The following KLF5 variants were observed in gnomAD, a reference collection of about 807,000 sequenced individuals.
KLF5 encodes KLF transcription factor 5, also known as Krueppel-like factor 5.
In KLF5, 9 loss-of-function variants were observed where a neutral mutation model predicts 36.9. That is an observed-to-expected ratio of 0.24 (90% CI 0.15 to 0.43). The LOEUF (loss-of-function observed/expected upper bound fraction) is 0.43. Among genes scored for constraint, KLF5 ranks in the 20% least tolerant of loss-of-function variants. The probability of loss-of-function intolerance (pLI) is 1.00; values close to 1 mark genes in which losing one functional copy is unlikely to be tolerated. For missense variants in KLF5, 524 were observed against 599.5 expected, an observed-to-expected ratio of 0.87 and a Z score of 1.31; for synonymous variants, 246 against 241.7, an observed-to-expected ratio of 1.02 and a Z score of -0.17.
At chr13:73,059,665 AG>A in intron 1 of KLF5, 77 bp downstream of exon 1, 1 of 1,038,568 alleles carries the variant, frequency 9.6e-7, no homozygotes, top group Non-Finnish European at 1.2e-6. Context: ...CGCGGGCGAC[AG>A]GGGCCGCTCC....
chr13:73,060,288 C>T (rs1242599563), intron 1 of KLF5, among the ~76,000 whole-genome samples: 1 of 152,182 alleles, frequency 6.6e-6, no homozygotes, highest in East Asian at 1.9e-4. Context: ...AGAGCAACCG[C>T]CTGTTTCTTT....
intron 3 of KLF5, 92 bp from the exon 4 acceptor site, chr13:73,075,616 A>G: frequency 9.1e-7 from 1 of 1,103,558 alleles, no homozygotes. Context: ...CTTGGCCAAG[A>G]TTTTTTTTTT....
chr13:73,069,847 G>A (rs956294287), intron 3 of KLF5, among the ~76,000 whole-genome samples: 2 of 152,288 alleles, frequency 1.3e-5, no homozygotes, highest in East Asian at 3.9e-4. Flanking sequence ...TTGCCCTTTT[G>A]TTCATAGACT....
Position 73,063,840 on chromosome 13 carries a change from T to C in KLF5, c.1152T>C (p.Tyr384=). 6.2e-7 allele frequency: 1 copy of C among 1,608,192 alleles called. No homozygotes were observed. Among genetic ancestry groups the C allele is most frequent in the African/African-American group, 1.3e-5 (1 of 74,934 alleles). Residue 384 remains tyrosine (Y), a synonymous_variant, in exon 3 of 4, where the codon TAT becomes TAC. Coordinates refer to ENST00000377687, the MANE Select transcript of KLF5 (RefSeq NM_001730.5). ...YCDYPGCTKV[Y]TKSSHLKAHL... ...TTATTTTAGGTTGCACAAAAGTTTA[T>C]ACCAAGTCTTCTCATTTAAAAGCTC...
chr13:73,059,224 C>A lies in KLF5; in HGVS notation c.-104C>A. On this transcript the variant is annotated 5_prime_UTR_variant, in exon 1 of 4. Coordinates refer to ENST00000377687, the MANE Select transcript of KLF5 (RefSeq NM_001730.5). Reference sequence around the variant, plus strand: ...TCTGAGGAGTCCACCCGAAACCTCCCCTCCTCCGCCGGCAGCCCCGCGCTG... The same window carrying A: ...TCTGAGGAGTCCACCCGAAACCTCCACTCCTCCGCCGGCAGCCCCGCGCTG... The A allele has an allele frequency of 3.5e-6, 4 of 1,140,944 alleles. No homozygotes were observed. Among genetic ancestry groups the A allele is most frequent in the Non-Finnish European group, 4.5e-6 (4 of 896,086 alleles). 70.7% of individuals were successfully genotyped at this position (1,140,944 alleles called of 1,614,324 possible).
upstream of KLF5, among the ~76,000 whole-genome samples, chr13:73,057,134 C>A (rs900791736): frequency 6.6e-6 from 1 of 151,904 alleles, no homozygotes; most frequent in African/African-American, 2.4e-5. Flanking sequence ...ATACAGCTAC[C>A]GAATGTATTA....
At chr13:73,068,911 CA>C (rs1352528555) in intron 3 of KLF5, among the ~76,000 whole-genome samples, 1 of 151,970 alleles carries the variant, frequency 6.6e-6, no homozygotes, top group Middle Eastern at 3.2e-3. Context: ...GCCTGGCCAA[CA>C]TAGTGAAACC....
chr13:73,067,316 T>G (rs1348152166), intron 3 of KLF5, among the ~76,000 whole-genome samples: 10 of 152,236 alleles, frequency 6.6e-5, no homozygotes, highest in African/African-American at 2.4e-4. Context: ...TTTAATATAA[T>G]GAACATTTAA....
intron 1 of KLF5, among the ~76,000 whole-genome samples, chr13:73,060,329 A>T (rs1057437896): frequency 1.3e-5 from 2 of 152,142 alleles, no homozygotes; most frequent in Non-Finnish European, 2.9e-5. Flanking sequence ...TAGCCCAGAA[A>T]AAACTTCCCG....
Position 73,062,368 on chromosome 13 carries a change from T to A in KLF5, c.769T>A (p.Ser257Thr), listed in dbSNP as rs752257469. ...AATGGACACTCTTAATGTTTCTATGTCAGCTGCCATGGCAGGCCTTAACAC... is the reference window on the plus strand; with the variant it reads ...AATGGACACTCTTAATGTTTCTATGACAGCTGCCATGGCAGGCCTTAACAC... ...AAMDTLNVSMSAAMAGLNTHT... is the reference protein window; with the variant it reads ...AAMDTLNVSMTAAMAGLNTHT... The change falls in exon 2 of 4, where the codon TCA (serine) becomes ACA (threonine). Residue 257 changes from serine (S) to threonine (T), a missense_variant. Ser to Thr is a moderately conservative substitution (Grantham distance 58). Around this residue, in one of 4 missense-constraint regions of KLF5, gnomAD observed 454 missense variants for 458.1 expected, o/e 0.99. Coordinates refer to ENST00000377687, the MANE Select transcript of KLF5 (RefSeq NM_001730.5). 6.2e-7 allele frequency: 1 copy of A among 1,614,206 alleles called. No individual in the cohort carries two copies. Among genetic ancestry groups the A allele is most frequent in the Non-Finnish European group, 8.5e-7 (1 of 1,180,038 alleles).
chr13:73,075,484 CT>C (rs2044752950), intron 3 of KLF5, among the ~76,000 whole-genome samples: 1 of 152,022 alleles, frequency 6.6e-6, no homozygotes, highest in South Asian at 2.1e-4. Context: ...ACACAAAATG[CT>C]TTTTTCTTTA....
chr13:73,073,752 T>C lies in KLF5; in HGVS notation c.1196-1956T>C, dbSNP rs148855251. 1.2e-3 allele frequency among the ~76,000 whole-genome samples: 184 copies of C among 152,306 alleles called. 1 individual carries two copies. Among genetic ancestry groups the C allele is most frequent in the African/African-American group, 3.8e-3 (157 of 41,582 alleles). ...ATTTTTCACAGGGAACAAAAACTAA[T>C]AGTACTGTGCAAAAATTTTTTTTGT... On this transcript the variant is annotated intron_variant, in intron 3 of 3. Coordinates refer to ENST00000377687, the MANE Select transcript of KLF5 (RefSeq NM_001730.5).
At chr13:73,059,735 G>A in intron 1 of KLF5, 147 bp downstream of exon 1, 1 of 783,224 alleles carries the variant, frequency 1.3e-6, no homozygotes, top group Non-Finnish European at 1.5e-6. Flanking sequence ...GCCCCGCCCT[G>A]CACGCCTGGC....
chr13:73,063,631 TAAAAC>T (rs1354310060), intron 2 of KLF5, among the ~76,000 whole-genome samples, 188 bp from the exon 3 acceptor site: 3 of 152,216 alleles, frequency 2.0e-5, no homozygotes, highest in African/African-American at 4.8e-5. Flanking sequence ...AAGTGATACA[TAAAAC>T]AAATCACTTC....
At chr13:73,060,454 G>GTT (rs1309690140) in intron 1 of KLF5, 1 of 152,176 alleles carries the variant, frequency 6.6e-6, no homozygotes, top group East Asian at 1.9e-4. Flanking sequence ...GCACGAAAGG[G>GTT]TTTAGTTCAG....
chr13:73,060,665 T>C (rs1366026513), intron 1 of KLF5: 2 of 152,222 alleles, frequency 1.3e-5, no homozygotes, highest in African/African-American at 4.8e-5. Flanking sequence ...CACACCAAGG[T>C]CCGAGATGAA....
upstream of KLF5, among the ~76,000 whole-genome samples, chr13:73,057,776 G>A (rs1342501202): frequency 6.6e-6 from 1 of 152,118 alleles, no homozygotes; most frequent in East Asian, 1.9e-4. Flanking sequence ...ATGTACATTT[G>A]TAGTAATATC....
Position 73,059,569 on chromosome 13 carries a change from C to T in KLF5, c.242C>T (p.Pro81Leu), listed in dbSNP as rs1328291508. The change falls in exon 1 of 4, where the codon CCT becomes CTT. Residue 81 changes from proline to leucine, a missense_variant. Physicochemically the swap from Pro to Leu is moderately conservative, Grantham distance 98. Around this residue, in one of 4 missense-constraint regions of KLF5, gnomAD observed 454 missense variants for 458.1 expected, o/e 0.99. Transcript: ENST00000377687. ...CCGCCCGCCACCGGCCCGCGGCTGC[C>T]TCCAGAGGACCTGGTCCAGGTAGGA... Reference protein sequence around the residue: ...AQPPATGPRLPPEDLVQTRCE... With the variant: ...AQPPATGPRLLPEDLVQTRCE... The T allele has an allele frequency of 3.9e-5, 46 of 1,167,208 alleles. No homozygotes were observed. Among genetic ancestry groups the T allele is most frequent in the Non-Finnish European group, 4.5e-5 (43 of 949,944 alleles). 72.3% of individuals were successfully genotyped at this position (1,167,208 alleles called of 1,614,324 possible).
At chr13:73,066,017 C>T (rs2044676962) in intron 3 of KLF5, among the ~76,000 whole-genome samples, 1 of 152,104 alleles carries the variant, frequency 6.6e-6, no homozygotes, top group Non-Finnish European at 1.5e-5. Flanking sequence ...GGTTTGGGTC[C>T]CTTGCATCAG....
Sources: gnomAD v4.1 joint callset for allele counts (sites outside exome capture counted in the v4.1 genomes callset) on GRCh38, gnomAD v4.1.1 for gene constraint, gnomAD v4.1.1 regional missense constraint, MANE v1.5 for transcripts, NCBI Gene and HGNC (gene_info 2026-07-23, HGNC 2026-07-21) for gene names.